LGALS9C: variants seen among roughly 807,000 people sequenced by gnomAD.
The protein encoded by LGALS9C is galectin-9C.
Under a neutral mutation model 41.3 loss-of-function variants are expected in LGALS9C, and 7 were observed. That is an observed-to-expected ratio of 0.17 (90% CI 0.10 to 0.32). The LOEUF is 0.32. Ranked by LOEUF, LGALS9C falls within the 10% of genes least tolerant of loss-of-function variation. The probability of loss-of-function intolerance (pLI) is 1.00; values close to 1 mark genes in which losing one functional copy is unlikely to be tolerated. For synonymous variants in LGALS9C, 44 were observed against 171.0 expected (o/e 0.26, Z 5.80); for missense variants, 102 against 455.2 (o/e 0.22, Z 7.06).
chr17:18,487,831 T>TG, intron 4 of LGALS9C, 74 bp downstream of exon 4: 1 of 1,572,264 alleles, frequency 6.4e-7, no homozygotes, highest in Non-Finnish European at 8.7e-7. Context: ...TAGGCCCAGC[T>TG]GGGGGGACCC....
At chr17:18,487,100 G>A (rs376350747) in intron 3 of LGALS9C, among the ~76,000 whole-genome samples, 15,843 of 128,388 alleles carry the variant, frequency 0.12, 52 homozygotes, top group African/African-American at 0.27. Context: ...AGGGTGAGGA[G>A]GACAGATGGC....
intron 1 of LGALS9C, among the ~76,000 whole-genome samples, chr17:18,482,821 G>A (rs1426524116): frequency 7.7e-6 from 1 of 129,250 alleles, no homozygotes; most frequent in African/African-American, 2.6e-5. Flanking sequence ...TTTAATGCAG[G>A]TTATAGAACC....
Position 18,479,400 on chromosome 17 carries a change from G to A in LGALS9C, c.39+2507G>A, listed in dbSNP as rs1490918238. Among the ~76,000 whole-genome samples the A allele has an allele frequency of 1.5e-5, 2 of 130,138 alleles. 1 individual carries two copies. Among genetic ancestry groups the A allele is most frequent in the Non-Finnish European group, 3.8e-5 (2 of 53,316 alleles). 85.4% of individuals were successfully genotyped at this position (130,138 alleles called of 152,430 possible). A position where few individuals can be genotyped will look rare whatever the true frequency, so the allele number is the denominator to read the frequency against. ...CCTCTCAGAACGCTGCCAGCCAGGGGCTCAGCACATGGCATTCCACCCAGT... is the reference window on the plus strand; with the variant it reads ...CCTCTCAGAACGCTGCCAGCCAGGGACTCAGCACATGGCATTCCACCCAGT... On this transcript the variant is annotated intron_variant, in intron 1 of 10. Transcript: ENST00000328114.
intron 1 of LGALS9C, among the ~76,000 whole-genome samples, chr17:18,477,774 C>T (rs1385299): frequency 0.23 from 27,540 of 119,940 alleles, 5,712 homozygotes; most frequent in Non-Finnish European, 0.34. Flanking sequence ...TGGGCTGGGT[C>T]CTGTCACAGG....
chr17:18,478,714 C>T (rs894330163), intron 1 of LGALS9C, among the ~76,000 whole-genome samples: 1 of 62,632 alleles, frequency 1.6e-5, no homozygotes, highest in African/African-American at 4.7e-5. Context: ...TCCGAGCTTC[C>T]TCATGAGAGG....
At position 18,492,488 on chromosome 17, in the gene LGALS9C, G is replaced by A. The variant is rs1157817348; in HGVS notation, c.704G>A (p.Gly235Glu). 6.4e-7 allele frequency: 1 copy of A among 1,559,148 alleles called. No homozygotes were observed. The highest frequency in any genetic ancestry group is 1.4e-5 in the African/African-American group (1 of 73,622). ...CCTTTCATCACCACCATTCCGGGAG[G>A]GCTGTACCCATCCAAGTCCATCATC... Reference protein sequence around the residue: ...PMPFITTIPGGLYPSKSIILS... With the variant: ...PMPFITTIPGELYPSKSIILS... Residue 235 changes from glycine to glutamate, a missense_variant, in exon 9 of 11, where the codon GGG (glycine) becomes GAG (glutamate). Coordinates refer to ENST00000328114, the MANE Select transcript of LGALS9C (RefSeq NM_001040078.3).
chr17:18,484,005 G>A lies in LGALS9C; in HGVS notation c.131+39G>A, dbSNP rs770433281. 9.7e-6 allele frequency: 13 copies of A among 1,343,832 alleles called. 2 individuals carry two copies. The highest frequency in any genetic ancestry group is 1.4e-5 in the African/African-American group (1 of 69,668). 83.2% of individuals were successfully genotyped at this position (1,343,832 alleles called of 1,614,324 possible). On this transcript the variant is annotated intron_variant, in intron 2 of 10. Transcript: ENST00000328114. ...GATGGAAACGTTTCACTCCAGCCTC[G>A]TCCCTTAGTAAAGCCACTGTGCCTG...
rs1285916271 is a variant in LGALS9C, at chr17:18,494,679, C to T, written c.*312C>T. 6.9e-6 allele frequency: 3 copies of T among 433,730 alleles called. No individual in the cohort carries two copies. Among genetic ancestry groups the T allele is most frequent in the African/African-American group, 3.9e-5 (2 of 51,546 alleles). The allele number at this position is 433,730 out of a possible 1,614,324, so 26.9% of individuals were successfully genotyped here. A position where few individuals can be genotyped will look rare whatever the true frequency, so the allele number is the denominator to read the frequency against. On this transcript the variant is annotated 3_prime_UTR_variant, in exon 11 of 11. Coordinates refer to ENST00000328114, the MANE Select transcript of LGALS9C (RefSeq NM_001040078.3). ...TGAAGATGAAGCCCCATGCTCAGTC[C>T]CCTCCCATCCCCCACGCAGCTCCAC...
At position 18,487,620 on chromosome 17, in the gene LGALS9C, C is replaced by T. The variant is rs759736820; in HGVS notation, c.334-27C>T. ...CCCCATCCCGGCCTGGGGCACCTCC[C>T]CCGAAATACGTGCTCTCCTCTGGCA... is the stretch of plus-strand genomic sequence containing the variant. On this transcript the variant is annotated intron_variant, in intron 3 of 10. Coordinates refer to ENST00000328114, the MANE Select transcript of LGALS9C (RefSeq NM_001040078.3). The T allele has an allele frequency of 5.0e-5, 70 of 1,403,990 alleles. 2 individuals carry two copies. The highest frequency in any genetic ancestry group is 2.7e-4 in the East Asian group (11 of 41,452). The allele number at this position is 1,403,990 out of a possible 1,614,324, so 87.0% of individuals were successfully genotyped here.
At chr17:18,482,132 T>C (rs1989412692) in intron 1 of LGALS9C, among the ~76,000 whole-genome samples, 2 of 145,226 alleles carry the variant, frequency 1.4e-5, no homozygotes, top group African/African-American at 4.9e-5. Context: ...ATTGTGTATC[T>C]CTACAATGTG....
chr17:18,482,328 T>TA (rs1240436387), intron 1 of LGALS9C, among the ~76,000 whole-genome samples: 2 of 130,282 alleles, frequency 1.5e-5, no homozygotes, highest in African/African-American at 5.3e-5. Context: ...TTATTTTTTG[T>TA]AGAGATGGGG....
chr17:18,477,940 T>C (rs375989465), intron 1 of LGALS9C, among the ~76,000 whole-genome samples: 10,176 of 105,620 alleles, frequency 0.096, 761 homozygotes, highest in African/African-American at 0.19. Context: ...AGGCCAGGGT[T>C]GGGCTTGGGT....
Position 18,478,257 on chromosome 17 carries a change from C to A in LGALS9C, c.39+1364C>A, listed in dbSNP as rs1989276953. Among the ~76,000 whole-genome samples the A allele has an allele frequency of 3.1e-5, 4 of 128,914 alleles. 2 individuals are homozygous for A. The highest frequency in any genetic ancestry group is 7.6e-5 in the Non-Finnish European group (4 of 52,806). The allele number at this position is 128,914 out of a possible 152,430, so 84.6% of individuals were successfully genotyped here. On this transcript the variant is annotated intron_variant, in intron 1 of 10. Coordinates refer to ENST00000328114, the MANE Select transcript of LGALS9C (RefSeq NM_001040078.3). ...GGGATCCCAGAGCTTCTTCCAGGTT[C>A]TGACATATTATTATTCTGGTAACTG...
In LGALS9C at chr17:18,492,754, T is replaced by G. The variant is rs373896961; in HGVS notation, c.819T>G (p.Phe273Leu). The part of the protein sequence containing the change: ...SHIAFHMNPR[F>L]DENAVVRNTQ... The stretch of plus-strand genomic sequence containing the variant: ...TCGCCTTCCACATGAACCCCCGTTT[T>G]GATGAGAATGCTGTGGTCCGTAACA... The change falls in exon 10 of 11, where the codon TTT becomes TTG. Residue 273 changes from phenylalanine to leucine, a missense_variant. Coordinates refer to ENST00000328114, the MANE Select transcript of LGALS9C (RefSeq NM_001040078.3). 3.4e-5 allele frequency: 51 copies of G among 1,513,606 alleles called. 2 individuals carry two copies. Among genetic ancestry groups the G allele is most frequent in the Non-Finnish European group, 4.4e-5 (48 of 1,099,520 alleles). The allele number at this position is 1,513,606 out of a possible 1,614,324, so 93.8% of individuals were successfully genotyped here. A position where few individuals can be genotyped will look rare whatever the true frequency, so the allele number is the denominator to read the frequency against.
chr17:18,482,479 A>T (rs1315532511), intron 1 of LGALS9C, among the ~76,000 whole-genome samples: 1 of 122,602 alleles, frequency 8.2e-6, no homozygotes, highest in African/African-American at 2.8e-5. Flanking sequence ...TTGACAAAAG[A>T]TTTCCCCCAA....
At chr17:18,483,998 C>T (rs1475964637) in intron 2 of LGALS9C, 32 bp downstream of exon 2, 2 of 1,354,956 alleles carry the variant, frequency 1.5e-6, no homozygotes, top group East Asian at 4.5e-5. Context: ...CGTTTCACTC[C>T]AGCCTCGTCC....
chr17:18,480,289 A>G (rs1989346168), intron 1 of LGALS9C, among the ~76,000 whole-genome samples: 1 of 125,490 alleles, frequency 8.0e-6, no homozygotes, highest in Admixed American at 7.7e-5. Flanking sequence ...CACATCTCTT[A>G]CCTCTGACTT....
At chr17:18,491,518 G>C (rs1403080024) in intron 7 of LGALS9C, among the ~76,000 whole-genome samples, 195 bp downstream of exon 7, 5 of 141,846 alleles carry the variant, frequency 3.5e-5, no homozygotes, top group Admixed American at 1.4e-4. Flanking sequence ...GATTTATCCA[G>C]TGGTGGAAGA....
At chr17:18,483,019 T>A (rs528104461) in intron 1 of LGALS9C, among the ~76,000 whole-genome samples, 3 of 125,380 alleles carry the variant, frequency 2.4e-5, no homozygotes, top group African/African-American at 7.8e-5. Context: ...AACACCTTCC[T>A]ATTTTACAGA....
Sources: gnomAD v4.1 joint callset for allele counts (sites outside exome capture counted in the v4.1 genomes callset) on GRCh38, gnomAD v4.1.1 for gene constraint, MANE v1.5 for transcripts, NCBI Gene and HGNC (gene_info 2026-07-23, HGNC 2026-07-21) for gene names.